The following GMDS variants were observed in gnomAD, a reference collection of about 807,000 sequenced individuals.
The protein encoded by GMDS is GDP-mannose 4,6 dehydratase.
GMDS carries 20 observed loss-of-function variants against 49.9 expected under a neutral mutation model. That is an observed-to-expected ratio of 0.40 (90% confidence interval 0.28 to 0.58). The LOEUF is 0.58. Among genes scored for constraint, GMDS ranks in the 20% least tolerant of loss-of-function variants. The pLI, the probability that GMDS is intolerant of heterozygous loss-of-function variation, is 0.42. For missense variants in GMDS, 362 were observed against 481.4 expected (o/e 0.75, Z 2.32); for synonymous variants, 177 against 178.6 (o/e 0.99, Z 0.07).
chr6:2,135,179 TAATA>T (rs1205336953), intron 1 of GMDS, among the ~76,000 whole-genome samples: 1 of 152,208 alleles, frequency 6.6e-6, no homozygotes, highest in Non-Finnish European at 1.5e-5. Flanking sequence ...TTAAAGAAAT[TAATA>T]AATTTATATA....
intron 9 of GMDS, among the ~76,000 whole-genome samples, chr6:1,691,038 T>C (rs1765150334): frequency 6.6e-6 from 1 of 152,240 alleles, no homozygotes; most frequent in Non-Finnish European, 1.5e-5. Flanking sequence ...TAAACCATTC[T>C]ATTATAAAAA....
intron 7 of GMDS, among the ~76,000 whole-genome samples, chr6:1,818,940 A>T (rs891015463): frequency 5.3e-5 from 8 of 152,156 alleles, no homozygotes; most frequent in Non-Finnish European, 1.2e-4. Flanking sequence ...TAAAAAATTT[A>T]TCATTAGTAA....
At chr6:1,844,703 C>T (rs551507577) in intron 7 of GMDS, among the ~76,000 whole-genome samples, 2 of 152,260 alleles carry the variant, frequency 1.3e-5, no homozygotes, top group African/African-American at 2.4e-5. Context: ...GCAATCATGA[C>T]AAAGAAAATG....
At chr6:1,861,618 C>CAAA (rs563437388) in intron 7 of GMDS, among the ~76,000 whole-genome samples, 6 of 108,028 alleles carry the variant, frequency 5.6e-5, no homozygotes, top group African/African-American at 2.1e-4. Flanking sequence ...CTCTTTCTCC[C>CAAA]AAAAAAAAAA....
intron 1 of GMDS, among the ~76,000 whole-genome samples, chr6:2,174,022 A>G (rs1778148343): frequency 6.6e-6 from 1 of 152,182 alleles, no homozygotes; most frequent in Admixed American, 6.5e-5. Flanking sequence ...AATACATTAT[A>G]ATTATTGAGT....
chr6:2,049,419 G>C (rs557824684), intron 4 of GMDS, among the ~76,000 whole-genome samples: 23 of 152,274 alleles, frequency 1.5e-4, no homozygotes, highest in African/African-American at 5.1e-4. Context: ...GTATCAGAAA[G>C]ATTTTTATAA....
chr6:1,903,240 A>G (rs995670684), intron 7 of GMDS, among the ~76,000 whole-genome samples: 9 of 152,228 alleles, frequency 5.9e-5, no homozygotes, highest in African/African-American at 2.2e-4. Context: ...ATTTAACTTT[A>G]AAGTCATATA....
intron 7 of GMDS, among the ~76,000 whole-genome samples, chr6:1,779,042 C>A (rs142730102): frequency 6.6e-6 from 1 of 152,072 alleles, no homozygotes; most frequent in South Asian, 2.1e-4. Flanking sequence ...GAGGAGGGAG[C>A]GCTCAAGTGG....
chr6:1,881,280 G>A (rs934622811), intron 7 of GMDS, among the ~76,000 whole-genome samples: 4 of 152,086 alleles, frequency 2.6e-5, no homozygotes, highest in South Asian at 2.1e-4. Flanking sequence ...AAACAAATGA[G>A]CAGACAAAAT....
At chr6:1,972,263 T>A (rs1330746839) in intron 4 of GMDS, among the ~76,000 whole-genome samples, 1 of 38,808 alleles carries the variant, frequency 2.6e-5, no homozygotes, top group African/African-American at 1.0e-4. Context: ...TGGGTTTTTG[T>A]TTTTTTTTTT....
chr6:1,737,907 CACACACCACACACAGATACAT>C (rs1561769353), intron 8 of GMDS, among the ~76,000 whole-genome samples: 1 of 140,288 alleles, frequency 7.1e-6, no homozygotes, highest in Non-Finnish European at 1.6e-5. Context: ...ACATACACAC[CACACACCACACACAGATACAT>C]ACACACCACA....
At chr6:1,841,518 A>C (rs1455809848) in intron 7 of GMDS, among the ~76,000 whole-genome samples, 1 of 152,242 alleles carries the variant, frequency 6.6e-6, no homozygotes, top group Non-Finnish European at 1.5e-5. Flanking sequence ...GCTAATTAGA[A>C]ATTACCAACT....
chr6:1,654,542 G>C (rs763220844), intron 9 of GMDS, among the ~76,000 whole-genome samples: 1 of 152,186 alleles, frequency 6.6e-6, no homozygotes, highest in South Asian at 2.1e-4. Flanking sequence ...TTCCACTTAC[G>C]TGAAGTTCCT....
chr6:1,795,287 G>T (rs573457171), intron 7 of GMDS, among the ~76,000 whole-genome samples: 2 of 152,246 alleles, frequency 1.3e-5, no homozygotes, highest in African/African-American at 4.8e-5. Flanking sequence ...CTGAGGTACA[G>T]ATTTTTTGTT....
chr6:1,976,615 A>G (rs1455294069), intron 4 of GMDS, among the ~76,000 whole-genome samples: 3 of 151,568 alleles, frequency 2.0e-5, no homozygotes, highest in Admixed American at 6.6e-5. Flanking sequence ...CAAACCTGAT[A>G]TAAGCATATG....
intron 7 of GMDS, among the ~76,000 whole-genome samples, chr6:1,877,181 T>A (rs1010733683): frequency 6.6e-6 from 1 of 151,792 alleles, no homozygotes; most frequent in East Asian, 1.9e-4. Flanking sequence ...AGTCTCGGTG[T>A]GCTGTTGATT....
intron 9 of GMDS, among the ~76,000 whole-genome samples, chr6:1,714,894 C>T (rs979161850): frequency 4.6e-5 from 7 of 152,230 alleles, no homozygotes; most frequent in Admixed American, 6.5e-5. Flanking sequence ...AGGGTGGAGC[C>T]GGGCTGCAGT....
At chr6:1,807,752 CA>C (rs1340983040) in intron 7 of GMDS, among the ~76,000 whole-genome samples, 1 of 152,168 alleles carries the variant, frequency 6.6e-6, no homozygotes, top group African/African-American at 2.4e-5. Flanking sequence ...AATTAGTTAG[CA>C]GTGGATCATA....
At chr6:2,028,064 A>T (rs1768713087) in intron 4 of GMDS, among the ~76,000 whole-genome samples, 2 of 152,200 alleles carry the variant, frequency 1.3e-5, no homozygotes, top group African/African-American at 4.8e-5. Context: ...GCCTTAAAAA[A>T]ATCTAGCTTG....
Sources: allele counts gnomAD v4.1 joint callset (sites outside exome capture counted in the v4.1 genomes callset), GRCh38; gene constraint gnomAD v4.1.1; transcripts MANE v1.5; gene names NCBI Gene and HGNC (gene_info 2026-07-23, HGNC 2026-07-21).